The following BNIP2 variants were observed in gnomAD, a reference collection of about 807,000 sequenced individuals.
BNIP2 encodes BCL2/adenovirus E1B 19 kDa protein-interacting protein 2.
In BNIP2, 36 loss-of-function variants were observed where a neutral mutation model predicts 43.4. The ratio of observed to expected loss-of-function variants is 0.83; its 90% CI spans 0.64 to 1.10. The LOEUF is 1.10. BNIP2 is among the 50% of genes least tolerant of loss of function. The pLI is 0.00. For missense variants in BNIP2, 417 were observed against 374.1 expected (o/e 1.11, Z -0.95); for synonymous variants, 146 against 121.0 (o/e 1.21, Z -1.35).
At chr15:59,675,480 T>C (rs188172155) in intron 5 of BNIP2, among the ~76,000 whole-genome samples, 274 of 151,740 alleles carry the variant, frequency 1.8e-3, no homozygotes, top group Non-Finnish European at 2.9e-3. Context: ...CATGGTGGCG[T>C]GCACCTGTAA....
intron 4 of BNIP2, chr15:59,678,626 T>C (rs1333618290): frequency 1.7e-6 from 2 of 1,152,006 alleles, no homozygotes; most frequent in African/African-American, 3.3e-5. Context: ...GAAGTCTATT[T>C]AAATTAGCAT....
In BNIP2 at chr15:59,677,874, G is replaced by A. The variant is rs375923199; in HGVS notation, c.472+37C>T. ...CCAAAAAAAAAAGAATTCTGATATTGCATTAAACAATCTGAAAAATCCTCA... is the reference window on the plus strand; with the variant it reads ...CCAAAAAAAAAAGAATTCTGATATTACATTAAACAATCTGAAAAATCCTCA... On this transcript the variant is annotated intron_variant, in intron 5 of 9. Coordinates refer to ENST00000607373, the MANE Select transcript of BNIP2 (RefSeq NM_004330.4). 8.9e-6 allele frequency: 14 copies of A among 1,566,970 alleles called. No individual in the cohort carries two copies. The African/African-American group carries it at 1.8e-4, about 20-fold the overall frequency.
rs938181771 is a variant in BNIP2 at position 59,688,999 on chromosome 15, C to A, written c.-58+136G>T. The A allele has an allele frequency of 4.8e-5, 69 of 1,443,064 alleles. No individual in the cohort carries two copies. The East Asian group carries it at 1.5e-3, about 31-fold the overall frequency. The allele number at this position is 1,443,064 out of a possible 1,614,324, so 89.4% of individuals were successfully genotyped here. ...CACCTCCCGAGCAGGTTCTATGGCT[C>A]CCCCTACCAAGGGTAACTCTCTGGG... is the stretch of plus-strand genomic sequence containing the variant. On this transcript the variant is annotated intron_variant, in intron 1 of 9. Transcript: ENST00000607373.
At position 59,664,044 on chromosome 15, in the gene BNIP2, G is replaced by T. The variant is rs1892417908; in HGVS notation, c.*25C>A. On this transcript the variant is annotated 3_prime_UTR_variant, in exon 10 of 10. Coordinates refer to ENST00000607373, the MANE Select transcript of BNIP2 (RefSeq NM_004330.4). ...CACTGCTCCATCAGCACATTCTTCA[G>T]TCTTGTTTGGACTAGATGCCAAACT... 6.6e-7 allele frequency: 1 copy of T among 1,524,790 alleles called. No individual in the cohort carries two copies. Among genetic ancestry groups the T allele is most frequent in the Non-Finnish European group, 8.9e-7 (1 of 1,129,262 alleles). 94.5% of individuals were successfully genotyped at this position (1,524,790 alleles called of 1,614,324 possible). A position where few individuals can be genotyped will look rare whatever the true frequency, so the allele number is the denominator to read the frequency against.
chr15:59,680,200 A>G (rs757782272), intron 3 of BNIP2, 41 bp downstream of exon 3: 7 of 1,402,938 alleles, frequency 5.0e-6, no homozygotes, highest in Non-Finnish European at 6.7e-6. Context: ...AAAATAACAC[A>G]AAGTCCATAA....
At chr15:59,676,416 T>C (rs1403548561) in intron 5 of BNIP2, among the ~76,000 whole-genome samples, 1 of 152,168 alleles carries the variant, frequency 6.6e-6, no homozygotes, top group East Asian at 1.9e-4. Flanking sequence ...CCTGAACTCC[T>C]GGGCTCAAGT....
At position 59,689,238 on chromosome 15, in the gene BNIP2, C is replaced by G; in HGVS notation, c.-161G>C. The G allele has an allele frequency of 5.2e-6, 8 of 1,542,444 alleles. No homozygotes were observed. In the South Asian group the frequency reaches 8.3e-5, roughly 16 times the overall value. ...AGCAGGGCCGAGCGGAGCCCGCTCC[C>G]CTCGGTCGGCGGTGGAGACCCCGGC... is the stretch of plus-strand genomic sequence containing the variant. On this transcript the variant is annotated 5_prime_UTR_variant, in exon 1 of 10. Coordinates refer to ENST00000607373, the MANE Select transcript of BNIP2 (RefSeq NM_004330.4).
intron 5 of BNIP2, chr15:59,677,297 G>C: frequency 6.3e-7 from 1 of 1,582,382 alleles, no homozygotes; most frequent in South Asian, 1.1e-5. Context: ...TGGCACACCA[G>C]AAAGCCACAT....
chr15:59,677,912 C>T lies in BNIP2; in HGVS notation c.471G>A (p.Gly157=), dbSNP rs768224862. 7.7e-5 allele frequency: 123 copies of T among 1,604,462 alleles called. No homozygotes were observed. Among genetic ancestry groups the T allele is most frequent in the Non-Finnish European group, 9.9e-5 (116 of 1,177,066 alleles). ...TGAAAAATCCTCAGTAACTCTTACC[C>T]CCATGGCTGATAACTTTTTTATAGG... ...IEPYKKVISH[G]GYYGDGLNAI... is the part of the protein sequence containing the mutation. The change falls in exon 5 of 10, where the codon GGG becomes GGA. Residue 157 remains glycine (G), a splice_region_variant and synonymous_variant. Transcript: ENST00000607373.
intron 2 of BNIP2, among the ~76,000 whole-genome samples, chr15:59,680,837 T>C (rs918535299): frequency 2.0e-5 from 3 of 152,226 alleles, no homozygotes; most frequent in Non-Finnish European, 4.4e-5. Context: ...TCTCAAGCAA[T>C]CCTTCTGCCT....
At position 59,682,400 on chromosome 15, in the gene BNIP2, T is replaced by C. The variant is rs757154582; in HGVS notation, c.50+8A>G. 2.5e-6 allele frequency: 4 copies of C among 1,606,026 alleles called. No homozygotes were observed. Among genetic ancestry groups the C allele is most frequent in the Admixed American group, 1.7e-5 (1 of 57,438 alleles). On this transcript the variant is annotated splice_region_variant and intron_variant, in intron 2 of 9. Coordinates refer to ENST00000607373, the MANE Select transcript of BNIP2 (RefSeq NM_004330.4). ...CTAAAATTGTTTTCTTTTAAAAGCATTGCTCACATCGGAAAATCTTCATCT... is the reference window on the plus strand; with the variant it reads ...CTAAAATTGTTTTCTTTTAAAAGCACTGCTCACATCGGAAAATCTTCATCT...
At chr15:59,670,972 C>CTGAG (rs1892862474) in intron 7 of BNIP2, among the ~76,000 whole-genome samples, 1 of 151,590 alleles carries the variant, frequency 6.6e-6, no homozygotes, top group South Asian at 2.1e-4. Context: ...ACTTGGGAGG[C>CTGAG]TGAGGCAGGA....
chr15:59,689,010 G>A, intron 1 of BNIP2, 125 bp downstream of exon 1: 1 of 1,446,032 alleles, frequency 6.9e-7, no homozygotes, highest in Non-Finnish European at 9.0e-7. Flanking sequence ...CCCCTACCAA[G>A]GGTAACTCTC....
At chr15:59,681,395 C>T (rs1471981067) in intron 2 of BNIP2, among the ~76,000 whole-genome samples, 1 of 151,472 alleles carries the variant, frequency 6.6e-6, no homozygotes, top group Non-Finnish European at 1.5e-5. Context: ...CTAGAAAATC[C>T]TTATTAATTT....
In BNIP2 at chr15:59,662,796, T is replaced by C. The variant is rs1892346134; in HGVS notation, c.*1273A>G. Reference sequence around the variant, plus strand: ...ACCAGCTGTGTATGAGCCTTTCAAGTATATGACACAATATCAGATCAATCT... The same window carrying C: ...ACCAGCTGTGTATGAGCCTTTCAAGCATATGACACAATATCAGATCAATCT... On this transcript the variant is annotated 3_prime_UTR_variant, in exon 10 of 10. Coordinates refer to ENST00000607373, the MANE Select transcript of BNIP2 (RefSeq NM_004330.4). 6.6e-6 allele frequency: 1 copy of C among 152,242 alleles called. No individual in the cohort carries two copies. The highest frequency in any genetic ancestry group is 1.5e-5 in the Non-Finnish European group (1 of 68,046). 9.4% of individuals were successfully genotyped at this position (152,242 alleles called of 1,614,324 possible).
chr15:59,663,394 AGAAAG>A lies in BNIP2; in HGVS notation c.*670_*674del, dbSNP rs1892378706. 1 of 152,466 alleles carries A rather than the reference AGAAAG, an allele frequency of 6.6e-6. No individual in the cohort carries two copies. The highest frequency in any genetic ancestry group is 1.5e-5 in the Non-Finnish European group (1 of 68,032). The allele number at this position is 152,466 out of a possible 1,614,324, so 9.4% of individuals were successfully genotyped here. On this transcript the variant is annotated 3_prime_UTR_variant, in exon 10 of 10. Transcript: ENST00000607373. ...GGCTTTTTGACTTGTCTTTAAGTTT[AGAAAG>A]GAAAAAGTGTGCAATGCGCTTGCAT...
In BNIP2 at chr15:59,666,359, A is replaced by C. The variant is rs552881960; in HGVS notation, c.894-2239T>G. Among the ~76,000 whole-genome samples the C allele has an allele frequency of 4.6e-5, 7 of 152,254 alleles. No individual in the cohort carries two copies. The East Asian group carries it at 1.3e-3, about 29-fold the overall frequency. ...TGTCACCTTAAATAAGCTCCCTTGCACCTAGCTTCTGTAAAGTTTGGTTTA... is the reference window on the plus strand; with the variant it reads ...TGTCACCTTAAATAAGCTCCCTTGCCCCTAGCTTCTGTAAAGTTTGGTTTA... On this transcript the variant is annotated intron_variant, in intron 9 of 9. Coordinates refer to ENST00000607373, the MANE Select transcript of BNIP2 (RefSeq NM_004330.4).
At position 59,689,288 on chromosome 15, in the gene BNIP2, G is replaced by T. The variant is rs762123554; in HGVS notation, c.-211C>A. ...CCCAATCCCCCGGCCGCAGCGGTACGGCGTCGGCGGCAGCAGCTGACCCGG... is the reference window on the plus strand; with the variant it reads ...CCCAATCCCCCGGCCGCAGCGGTACTGCGTCGGCGGCAGCAGCTGACCCGG... On this transcript the variant is annotated 5_prime_UTR_variant, in exon 1 of 10. Transcript: ENST00000607373. The T allele has an allele frequency of 6.5e-7, 1 of 1,545,850 alleles. No homozygotes were observed. Among genetic ancestry groups the T allele is most frequent in the South Asian group, 1.2e-5 (1 of 83,950 alleles).
At position 59,679,787 on chromosome 15, in the gene BNIP2, G is replaced by C. The variant is rs761087720; in HGVS notation, c.119-19C>G. On this transcript the variant is annotated intron_variant, in intron 3 of 9. Coordinates refer to ENST00000607373, the MANE Select transcript of BNIP2 (RefSeq NM_004330.4). ...AGTGAGCCTGGAATTGGAAAATAAA[G>C]AAAAAGATACGTAACAAGGAATGCT... 1.4e-6 allele frequency: 2 copies of C among 1,446,584 alleles called. No individual in the cohort carries two copies. The highest frequency in any genetic ancestry group is 1.8e-6 in the Non-Finnish European group (2 of 1,099,882). The allele number at this position is 1,446,584 out of a possible 1,614,324, so 89.6% of individuals were successfully genotyped here.
Sources: gnomAD v4.1 joint callset for allele counts (sites outside exome capture counted in the v4.1 genomes callset) on GRCh38, gnomAD v4.1.1 for gene constraint, MANE v1.5 for transcripts, NCBI Gene and HGNC (gene_info 2026-07-23, HGNC 2026-07-21) for gene names.